The following NOPCHAP1 variants were observed in gnomAD, a reference collection of about 807,000 sequenced individuals.
The protein encoded by NOPCHAP1 is NOP protein chaperone 1.
Under a neutral mutation model 14.0 loss-of-function variants are expected in NOPCHAP1, and 13 were observed. The ratio of observed to expected loss-of-function variants is 0.93; its 90% CI spans 0.60 to 1.47. The LOEUF is 1.47. Among genes scored for constraint, NOPCHAP1 ranks in the 40% most tolerant of loss-of-function variants. The pLI is 0.00. For missense variants in NOPCHAP1, 230 were observed against 226.9 expected (o/e 1.01, Z -0.09); for synonymous variants, 78 against 78.4 (o/e 1.00, Z 0.03).
rs1873629591 is a variant in NOPCHAP1 at position 105,002,618 on chromosome 12, C to T, written c.*7922C>T. 6.6e-6 allele frequency: 1 copy of T among 152,010 alleles called. No homozygotes were observed. Among genetic ancestry groups the T allele is most frequent in the Non-Finnish European group, 1.5e-5 (1 of 67,998 alleles). 9.4% of individuals were successfully genotyped at this position (152,010 alleles called of 1,614,324 possible). A position where few individuals can be genotyped will look rare whatever the true frequency, so the allele number is the denominator to read the frequency against. ...AACAATTTTTCTAGGTCTCATTGGC[C>T]CTACTCTTGATGAGGTTTTGGGGGA... On this transcript the variant is annotated 3_prime_UTR_variant, in exon 4 of 4. Transcript: ENST00000552951.
In NOPCHAP1 at chr12:104,988,257, A is replaced by C; in HGVS notation, c.202+4A>C. 3 of 1,600,610 alleles carry C rather than the reference A, an allele frequency of 1.9e-6. No individual in the cohort carries two copies. Among genetic ancestry groups the C allele is most frequent in the African/African-American group, 1.3e-5 (1 of 74,792 alleles). On this transcript the variant is annotated splice_donor_region_variant and intron_variant, in intron 2 of 3. Coordinates refer to ENST00000552951, the MANE Select transcript of NOPCHAP1 (RefSeq NM_152318.3). Reference sequence around the variant, plus strand: ...GTTCGGATAGAGAGGAGTCCCTGTAAGTACCTCTTCCCCTCTCTCACCCTC... The same window carrying C: ...GTTCGGATAGAGAGGAGTCCCTGTACGTACCTCTTCCCCTCTCTCACCCTC...
In NOPCHAP1 at chr12:105,003,237, C is replaced by G. The variant is rs1873644428; in HGVS notation, c.*8541C>G. 1 of 152,148 alleles carries G rather than the reference C, an allele frequency of 6.6e-6. No individual in the cohort carries two copies. Among genetic ancestry groups the G allele is most frequent in the South Asian group, 2.1e-4 (1 of 4,828 alleles). 9.4% of individuals were successfully genotyped at this position (152,148 alleles called of 1,614,324 possible). A position where few individuals can be genotyped will look rare whatever the true frequency, so the allele number is the denominator to read the frequency against. On this transcript the variant is annotated 3_prime_UTR_variant, in exon 4 of 4. Transcript: ENST00000552951. ...GTTAAAACTTTCCCACTGTGGGCCA[C>G]TGGAATTCTAATTTTTTTTGTGTGT... is the stretch of plus-strand genomic sequence containing the variant.
chr12:104,986,572 C>T, intron 1 of NOPCHAP1, 105 bp downstream of exon 1: 1 of 943,128 alleles, frequency 1.1e-6, no homozygotes, highest in Non-Finnish European at 1.5e-6. Context: ...GGCTCCGTAC[C>T]CTCGAGGGGA....
rs765517883 is a variant in NOPCHAP1, at chr12:104,994,792, A to G, written c.*96A>G. The G allele has an allele frequency of 1.6e-5, 18 of 1,100,182 alleles. No individual in the cohort carries two copies. Among genetic ancestry groups the G allele is most frequent in the South Asian group, 6.9e-5 (5 of 72,458 alleles). The allele number at this position is 1,100,182 out of a possible 1,614,324, so 68.2% of individuals were successfully genotyped here. A position where few individuals can be genotyped will look rare whatever the true frequency, so the allele number is the denominator to read the frequency against. ...GGGTTCTTTTGCTTTTCAGGCACCT[A>G]TGGTGCTTTTATATGTTAAAAACTT... On this transcript the variant is annotated 3_prime_UTR_variant, in exon 4 of 4. Transcript: ENST00000552951.
chr12:105,003,233 G>A lies in NOPCHAP1; in HGVS notation c.*8537G>A, dbSNP rs1319980486. 1 of 152,156 alleles carries A rather than the reference G, an allele frequency of 6.6e-6. No individual in the cohort carries two copies. The highest frequency in any genetic ancestry group is 1.9e-4 in the East Asian group (1 of 5,204). 9.4% of individuals were successfully genotyped at this position (152,156 alleles called of 1,614,324 possible). On this transcript the variant is annotated 3_prime_UTR_variant, in exon 4 of 4. Transcript: ENST00000552951. ...GTAGGTTAAAACTTTCCCACTGTGG[G>A]CCACTGGAATTCTAATTTTTTTTGT...
chr12:105,013,489 G>C lies in NOPCHAP1; in HGVS notation c.*18793G>C, dbSNP rs897884214. On this transcript the variant is annotated 3_prime_UTR_variant, in exon 4 of 4. Transcript: ENST00000552951. Reference sequence around the variant, plus strand: ...CAGCCCCCTTTCCAGGGGAGTGAACGGTTCTGTCTCGCTGGTGTTCCAGGC... The same window carrying C: ...CAGCCCCCTTTCCAGGGGAGTGAACCGTTCTGTCTCGCTGGTGTTCCAGGC... 1 of 152,948 alleles carries C rather than the reference G, an allele frequency of 6.5e-6. No individual in the cohort carries two copies. The highest frequency in any genetic ancestry group is 2.4e-5 in the African/African-American group (1 of 41,440). The allele number at this position is 152,948 out of a possible 1,614,324, so 9.5% of individuals were successfully genotyped here. A position where few individuals can be genotyped will look rare whatever the true frequency, so the allele number is the denominator to read the frequency against.
rs758730463 is a variant in NOPCHAP1, at chr12:104,986,476, C to G, written c.115+9C>G. 12 of 1,588,142 alleles carry G rather than the reference C, an allele frequency of 7.6e-6. No individual in the cohort carries two copies. In the South Asian group the frequency reaches 1.2e-4, roughly 16 times the overall value. On this transcript the variant is annotated intron_variant, in intron 1 of 3. Transcript: ENST00000552951. ...AAGCGACGGCCGCGGAGGTGACGGACGGGTGACGGCGGCATGGGCCGCACA... is the reference window on the plus strand; with the variant it reads ...AAGCGACGGCCGCGGAGGTGACGGAGGGGTGACGGCGGCATGGGCCGCACA...
chr12:104,997,712 G>A lies in NOPCHAP1; in HGVS notation c.*3016G>A, dbSNP rs1565940022. The A allele has an allele frequency of 6.6e-6, 1 of 152,044 alleles. No homozygotes were observed. Among genetic ancestry groups the A allele is most frequent in the Non-Finnish European group, 1.5e-5 (1 of 67,992 alleles). 9.4% of individuals were successfully genotyped at this position (152,044 alleles called of 1,614,324 possible). A position where few individuals can be genotyped will look rare whatever the true frequency, so the allele number is the denominator to read the frequency against. On this transcript the variant is annotated 3_prime_UTR_variant, in exon 4 of 4. Transcript: ENST00000552951. Reference sequence around the variant, plus strand: ...GTCTGCTTGTGTAGTATTTCACAAGGGTTTTCCGCATTTCCTGAATTTGAA... The same window carrying A: ...GTCTGCTTGTGTAGTATTTCACAAGAGTTTTCCGCATTTCCTGAATTTGAA...
chr12:104,992,160 A>C (rs963793225), intron 3 of NOPCHAP1, among the ~76,000 whole-genome samples: 5 of 152,214 alleles, frequency 3.3e-5, no homozygotes, highest in Non-Finnish European at 5.9e-5. Context: ...AGTATGCAAA[A>C]ATAAATGATG....
rs566791863 is a variant in NOPCHAP1, at chr12:105,009,224, A to T, written c.*14528A>T. On this transcript the variant is annotated 3_prime_UTR_variant, in exon 4 of 4. Coordinates refer to ENST00000552951, the MANE Select transcript of NOPCHAP1 (RefSeq NM_152318.3). ...AAGTTGGATTCCTAGGTATTTTATTATCTTTGTAGCAATTGTGAATGGTAG... is the reference window on the plus strand; with the variant it reads ...AAGTTGGATTCCTAGGTATTTTATTTTCTTTGTAGCAATTGTGAATGGTAG... 7 of 152,086 alleles carry T rather than the reference A, an allele frequency of 4.6e-5. 1 individual carries two copies. Among genetic ancestry groups the T allele is most frequent in the Admixed American group, 1.3e-4 (2 of 15,276 alleles). The allele number at this position is 152,086 out of a possible 1,614,324, so 9.4% of individuals were successfully genotyped here. A position where few individuals can be genotyped will look rare whatever the true frequency, so the allele number is the denominator to read the frequency against.
intron 1 of NOPCHAP1, among the ~76,000 whole-genome samples, chr12:104,987,384 T>C (rs1357989331): frequency 6.6e-6 from 1 of 152,202 alleles, no homozygotes; most frequent in African/African-American, 2.4e-5. Flanking sequence ...GGCTAGAAAG[T>C]AGCAAAACTG....
Position 104,997,292 on chromosome 12 carries a change from A to AT in NOPCHAP1, c.*2598dup, listed in dbSNP as rs1873518781. The AT allele has an allele frequency of 6.6e-6, 1 of 152,204 alleles. No homozygotes were observed. The highest frequency in any genetic ancestry group is 1.5e-5 in the Non-Finnish European group (1 of 68,042). The allele number at this position is 152,204 out of a possible 1,614,324, so 9.4% of individuals were successfully genotyped here. ...TGTAAGGCAGATCTGATGTTAACAA[A>AT]TTCCCTTAGCATTTGCCTGTCTGAA... On this transcript the variant is annotated 3_prime_UTR_variant, in exon 4 of 4. Coordinates refer to ENST00000552951, the MANE Select transcript of NOPCHAP1 (RefSeq NM_152318.3).
At position 104,998,287 on chromosome 12, in the gene NOPCHAP1, T is replaced by C. The variant is rs942602396; in HGVS notation, c.*3591T>C. The stretch of plus-strand genomic sequence containing the variant: ...GATACTCTAGTGCTTTTGTCAGTTT[T>C]TGCACTGATTCTTTTTTATCTTTGT... On this transcript the variant is annotated 3_prime_UTR_variant, in exon 4 of 4. Coordinates refer to ENST00000552951, the MANE Select transcript of NOPCHAP1 (RefSeq NM_152318.3). 6.6e-6 allele frequency: 1 copy of C among 152,296 alleles called. No homozygotes were observed. The highest frequency in any genetic ancestry group is 2.4e-5 in the African/African-American group (1 of 41,474). 9.4% of individuals were successfully genotyped at this position (152,296 alleles called of 1,614,324 possible).
chr12:104,988,036 C>T, intron 1 of NOPCHAP1, 131 bp from the exon 2 acceptor site: 1 of 595,434 alleles, frequency 1.7e-6, no homozygotes, highest in Non-Finnish European at 2.9e-6. Context: ...TGGAGTTCTC[C>T]TTTAAAAAAA....
Position 104,994,803 on chromosome 12 carries a change from A to C in NOPCHAP1, c.*107A>C. The C allele has an allele frequency of 1.0e-6, 1 of 976,884 alleles. No homozygotes were observed. The allele number at this position is 976,884 out of a possible 1,614,324, so 60.5% of individuals were successfully genotyped here. On this transcript the variant is annotated 3_prime_UTR_variant, in exon 4 of 4. Coordinates refer to ENST00000552951, the MANE Select transcript of NOPCHAP1 (RefSeq NM_152318.3). Reference sequence around the variant, plus strand: ...CTTTTCAGGCACCTATGGTGCTTTTATATGTTAAAAACTTTAGACAAGTTA... The same window carrying C: ...CTTTTCAGGCACCTATGGTGCTTTTCTATGTTAAAAACTTTAGACAAGTTA...
chr12:104,993,268 A>G (rs768328039), intron 3 of NOPCHAP1, among the ~76,000 whole-genome samples: 1 of 152,148 alleles, frequency 6.6e-6, no homozygotes, highest in Non-Finnish European at 1.5e-5. Flanking sequence ...TGTGGGCCTT[A>G]CTGTCTCTGT....
rs958529976 is a variant in NOPCHAP1 at position 105,010,099 on chromosome 12, T to C, written c.*15403T>C. On this transcript the variant is annotated 3_prime_UTR_variant, in exon 4 of 4. Coordinates refer to ENST00000552951, the MANE Select transcript of NOPCHAP1 (RefSeq NM_152318.3). ...GCTGTGAATCCTTCAGGTCCTGGGC[T>C]TTTTTTGGTTAGTAGTCTATTAGTT... 7.2e-5 allele frequency: 11 copies of C among 152,080 alleles called. No homozygotes were observed. Among genetic ancestry groups the C allele is most frequent in the Non-Finnish European group, 1.6e-4 (11 of 68,000 alleles). The allele number at this position is 152,080 out of a possible 1,614,324, so 9.4% of individuals were successfully genotyped here.
rs1873498936 is a variant in NOPCHAP1 at position 104,996,229 on chromosome 12, T to C, written c.*1533T>C. ...TCTGAGGCTGGAAAAGAGGGCTACC[T>C]AGTGGTATTTGAGCATCAGTCAGTT... On this transcript the variant is annotated 3_prime_UTR_variant, in exon 4 of 4. Coordinates refer to ENST00000552951, the MANE Select transcript of NOPCHAP1 (RefSeq NM_152318.3). 6.6e-6 allele frequency: 1 copy of C among 152,138 alleles called. No homozygotes were observed. Among genetic ancestry groups the C allele is most frequent in the East Asian group, 1.9e-4 (1 of 5,192 alleles). 9.4% of individuals were successfully genotyped at this position (152,138 alleles called of 1,614,324 possible). A position where few individuals can be genotyped will look rare whatever the true frequency, so the allele number is the denominator to read the frequency against.
At chr12:104,991,083 C>A (rs577236515) in intron 2 of NOPCHAP1, among the ~76,000 whole-genome samples, 1 of 152,212 alleles carries the variant, frequency 6.6e-6, no homozygotes, top group Non-Finnish European at 1.5e-5. Flanking sequence ...AGAAAGATTT[C>A]TCTCTCAACA....
Sources: gnomAD v4.1 joint callset for allele counts (sites outside exome capture counted in the v4.1 genomes callset) on GRCh38, gnomAD v4.1.1 for gene constraint, MANE v1.5 for transcripts, NCBI Gene and HGNC (gene_info 2026-07-23, HGNC 2026-07-21) for gene names.